The following MYO1D variants were observed in gnomAD, a reference collection of about 807,000 sequenced individuals.
MYO1D encodes unconventional myosin-Id.
Under a neutral mutation model 122.0 loss-of-function variants are expected in MYO1D, and 83 were observed. The ratio of observed to expected loss-of-function variants is 0.68; its 90% CI spans 0.57 to 0.82. The LOEUF (loss-of-function observed/expected upper bound fraction) is 0.82. Ranked by LOEUF, MYO1D falls within the 40% of genes least tolerant of loss-of-function variation. The pLI is 0.00. For synonymous variants in MYO1D, 464 were observed against 446.9 expected (o/e 1.04, Z -0.48); for missense variants, 1,157 against 1,269.5 (o/e 0.91, Z 1.35).
chr17:32,659,520 CATCA>C (rs1249625687), intron 16 of MYO1D, 182 bp from the exon 17 acceptor site: 1 of 611,918 alleles, frequency 1.6e-6, no homozygotes, highest in Non-Finnish European at 2.9e-6. Flanking sequence ...TGGGGAGTCA[CATCA>C]GTCATTTTGT....
chr17:32,779,148 G>A (rs937517880), intron 2 of MYO1D, among the ~76,000 whole-genome samples: 5 of 152,116 alleles, frequency 3.3e-5, no homozygotes, highest in African/African-American at 7.2e-5. Flanking sequence ...AAGTATCTTC[G>A]AAATGTTAAA....
intron 21 of MYO1D, among the ~76,000 whole-genome samples, chr17:32,546,366 T>C (rs1307677286): frequency 6.6e-6 from 1 of 152,198 alleles, no homozygotes; most frequent in Admixed American, 6.5e-5. Flanking sequence ...GCTCTGTCTG[T>C]CTTTGTCGAG....
intron 16 of MYO1D, among the ~76,000 whole-genome samples, chr17:32,661,945 T>C (rs1238516860): frequency 2.0e-5 from 3 of 152,342 alleles, no homozygotes; most frequent in Middle Eastern, 3.4e-3. Context: ...TCTTTCTTTA[T>C]TGTGTGTATT....
intron 12 of MYO1D, 152 bp downstream of exon 12, chr17:32,748,784 C>T (rs184060930): frequency 2.7e-5 from 20 of 728,894 alleles, no homozygotes; most frequent in Non-Finnish European, 4.4e-5. Flanking sequence ...TGAAGCTATG[C>T]CATTTTTAAG....
At chr17:32,695,422 C>T (rs905571831) in intron 16 of MYO1D, among the ~76,000 whole-genome samples, 9 of 152,196 alleles carry the variant, frequency 5.9e-5, no homozygotes, top group African/African-American at 1.7e-4. Flanking sequence ...GGATTGGGGA[C>T]CCCTGCCTTA....
chr17:32,864,547 T>C (rs866338522), intron 1 of MYO1D, among the ~76,000 whole-genome samples: 2 of 16,378 alleles, frequency 1.2e-4, no homozygotes, highest in African/African-American at 7.8e-4. Flanking sequence ...GTTCTACGAA[T>C]GAAAAAAAAA....
intron 7 of MYO1D, 28 bp from the exon 8 acceptor site, chr17:32,765,109 A>G: frequency 1.3e-6 from 2 of 1,522,162 alleles, no homozygotes; most frequent in East Asian, 2.3e-5. Context: ...AAAATAACAC[A>G]TTATGAAACA....
At chr17:32,808,441 T>A (rs78812541) in intron 1 of MYO1D, among the ~76,000 whole-genome samples, 2,170 of 150,814 alleles carry the variant, frequency 0.014, 59 homozygotes, top group African/African-American at 0.051. Flanking sequence ...TCAAAAGATA[T>A]AAAAGGAATG....
In MYO1D at chr17:32,807,713, G is replaced by C. The variant is rs190450620; in HGVS notation, c.96-26929C>G. Reference sequence around the variant, plus strand: ...AGGAACCTCTGTGTTTGAGATGGCAGAGCCACAAGATCAAAGCAGCTTGCG... The same window carrying C: ...AGGAACCTCTGTGTTTGAGATGGCACAGCCACAAGATCAAAGCAGCTTGCG... On this transcript the variant is annotated intron_variant, in intron 1 of 21. Transcript: ENST00000318217. 3.3e-5 allele frequency among the ~76,000 whole-genome samples: 5 copies of C among 152,302 alleles called. No individual in the cohort carries two copies. The East Asian group carries it at 9.7e-4, about 29-fold the overall frequency.
chr17:32,589,080 TCATATTTGTGAACTG>T (rs1201693443), intron 21 of MYO1D, among the ~76,000 whole-genome samples: 5 of 152,222 alleles, frequency 3.3e-5, no homozygotes, highest in South Asian at 2.1e-4. Flanking sequence ...TACAACAGTG[TCATATTTGTGAACTG>T]CATATTTGTG....
chr17:32,553,460 CT>C, intron 21 of MYO1D, among the ~76,000 whole-genome samples: 1 of 152,076 alleles, frequency 6.6e-6, no homozygotes, highest in East Asian at 1.9e-4. Flanking sequence ...ATTACCAGGG[CT>C]GCGAATGGAC....
intron 21 of MYO1D, among the ~76,000 whole-genome samples, chr17:32,600,983 G>C (rs1332977613): frequency 1.5e-5 from 2 of 130,938 alleles, no homozygotes; most frequent in East Asian, 2.2e-4. Context: ...ACAAGGTCTT[G>C]TTCTGTCACC....
chr17:32,837,807 T>C (rs576139000), intron 1 of MYO1D, among the ~76,000 whole-genome samples: 261 of 152,300 alleles, frequency 1.7e-3, no homozygotes, highest in Non-Finnish European at 2.6e-3. Flanking sequence ...TGTATTTCAT[T>C]GTTTTAATGT....
At position 32,738,380 on chromosome 17, in the gene MYO1D, T is replaced by C. The variant is rs1319806496; in HGVS notation, c.1619A>G (p.Asn540Ser). 6.3e-7 allele frequency: 1 copy of C among 1,585,888 alleles called. No individual in the cohort carries two copies. The highest frequency in any genetic ancestry group is 1.3e-5 in the African/African-American group (1 of 74,134). The change falls in exon 14 of 22, where the codon AAT becomes AGT. Residue 540 changes from asparagine to serine, a missense_variant. Transcript: ENST00000318217. Reference protein sequence around the residue: ...DFKRLMYNSSNPVLKNMWPEG... With the variant: ...DFKRLMYNSSSPVLKNMWPEG... ...AGGCCACATATTCTTGAGCACAGGATTTGAACTGAGAAGCACAGAAAAAAC... is the reference window on the plus strand; with the variant it reads ...AGGCCACATATTCTTGAGCACAGGACTTGAACTGAGAAGCACAGAAAAAAC...
chr17:32,842,856 T>C (rs1033559803), intron 1 of MYO1D, among the ~76,000 whole-genome samples: 5 of 151,890 alleles, frequency 3.3e-5, no homozygotes, highest in African/African-American at 1.2e-4. Flanking sequence ...AACACAGTTA[T>C]ACTGTCATTT....
intron 16 of MYO1D, among the ~76,000 whole-genome samples, chr17:32,677,572 G>C (rs1013205049): frequency 8.1e-6 from 1 of 123,452 alleles, no homozygotes; most frequent in African/African-American, 3.2e-5. Context: ...GGGATATATA[G>C]ATAGATAAAT....
At chr17:32,768,821 C>T (rs1302530998) in intron 6 of MYO1D, among the ~76,000 whole-genome samples, 1 of 152,172 alleles carries the variant, frequency 6.6e-6, no homozygotes, top group African/African-American at 2.4e-5. Flanking sequence ...AAAAACCACT[C>T]AGCAGTATCA....
chr17:32,841,704 AAGAC>A (rs1280229826), intron 1 of MYO1D, among the ~76,000 whole-genome samples: 1 of 152,146 alleles, frequency 6.6e-6, no homozygotes. Flanking sequence ...AGGGTGAAAA[AAGAC>A]AGGACTCACG....
At chr17:32,621,425 T>A (rs1019276507) in intron 20 of MYO1D, among the ~76,000 whole-genome samples, 2 of 152,032 alleles carry the variant, frequency 1.3e-5, no homozygotes, top group East Asian at 3.9e-4. Context: ...AGAAGCTGCA[T>A]CTTCTCGTCC....
Sources: allele counts gnomAD v4.1 joint callset (sites outside exome capture counted in the v4.1 genomes callset), GRCh38; gene constraint gnomAD v4.1.1; transcripts MANE v1.5; gene names NCBI Gene and HGNC (gene_info 2026-07-23, HGNC 2026-07-21).